The following GPC4 variants were observed in gnomAD, a reference collection of about 807,000 sequenced individuals.
The protein encoded by GPC4 is glypican-4.
Under a neutral mutation model 35.0 loss-of-function variants are expected in GPC4, and 10 were observed. The ratio of observed to expected loss-of-function variants is 0.29; its 90% CI spans 0.18 to 0.48. The LOEUF is 0.48. Ranked by LOEUF, GPC4 falls within the 20% of genes least tolerant of loss-of-function variation. GPC4 has a pLI of 0.99. For missense variants in GPC4, 322 were observed against 451.3 expected (o/e 0.71, Z 2.60); for synonymous variants, 167 against 170.2 (o/e 0.98, Z 0.15).
intron 1 of GPC4, among the ~76,000 whole-genome samples, chrX:133,372,406 T>A (rs1054606617): frequency 1.8e-5 from 2 of 109,824 alleles, no homozygotes; most frequent in Non-Finnish European, 3.8e-5. Context: ...TCATGCCAGC[T>A]CTGAAAAGAG....
chrX:133,344,191 G>GTTTTTT (rs747976050), intron 1 of GPC4, among the ~76,000 whole-genome samples: 4 of 38,885 alleles, frequency 1.0e-4, no homozygotes, highest in African/African-American at 1.5e-4. Context: ...TTTCTTTCTG[G>GTTTTTT]TTTTTTTTTT....
At position 133,368,492 on chromosome X, in the gene GPC4, C is replaced by G. The variant is rs888036005; in HGVS notation, c.161-29151G>C. Among the ~76,000 whole-genome samples, 3 of 111,273 alleles carry G rather than the reference C, an allele frequency of 2.7e-5. No homozygotes were observed. The Admixed American group carries it at 2.9e-4, about 11-fold the overall frequency. The stretch of plus-strand genomic sequence containing the variant: ...TAAAAGCACTGTTAATAAAATTTAC[C>G]ATTTTTCTATGTGTTTTGTGTTCTC... On this transcript the variant is annotated intron_variant, in intron 1 of 8. Coordinates refer to ENST00000370828, the MANE Select transcript of GPC4 (RefSeq NM_001448.3).
chrX:133,380,834 G>T (rs774887053), intron 1 of GPC4, among the ~76,000 whole-genome samples: 139 of 111,811 alleles, frequency 1.2e-3, no homozygotes, highest in Non-Finnish European at 2.4e-3. Context: ...CAATGCCAGA[G>T]ATTAGAAAGA....
intron 1 of GPC4, among the ~76,000 whole-genome samples, chrX:133,391,869 A>C (rs2068721043): frequency 9.0e-6 from 1 of 111,610 alleles, no homozygotes; most frequent in South Asian, 3.8e-4. Flanking sequence ...TGGCATAATA[A>C]AGGCCCATTA....
In GPC4 at chrX:133,311,425, T is replaced by C; in HGVS notation, c.712-2A>G. 8.3e-7 allele frequency: 1 copy of C among 1,209,584 alleles called. No individual in the cohort carries two copies. The highest frequency in any genetic ancestry group is 1.1e-6 in the Non-Finnish European group (1 of 894,026). The stretch of plus-strand genomic sequence containing the variant: ...GGTACACTGGGCTGTGGGGTTTACC[T>C]AATGTGTGAAAAGAAAAAAAGACAG... On this transcript the variant is annotated splice_acceptor_variant, in intron 3 of 8. Transcript: ENST00000370828. LOFTEE classifies it high-confidence loss of function.
intron 1 of GPC4, among the ~76,000 whole-genome samples, chrX:133,371,716 A>G (rs2068612959): frequency 8.9e-6 from 1 of 112,224 alleles, no homozygotes; most frequent in African/African-American, 3.2e-5. Flanking sequence ...TAATATAAAT[A>G]TAACAAACCT....
chrX:133,317,825 C>T (rs917174808), intron 3 of GPC4, among the ~76,000 whole-genome samples: 19 of 108,612 alleles, frequency 1.7e-4, no homozygotes, highest in African/African-American at 6.5e-4. Context: ...TGATGAGTTT[C>T]TTCAACAATT....
intron 3 of GPC4, among the ~76,000 whole-genome samples, chrX:133,312,484 C>T (rs927908977): frequency 9.1e-6 from 1 of 109,314 alleles, no homozygotes; most frequent in Non-Finnish European, 1.9e-5. Flanking sequence ...CAAAAATTAG[C>T]CGGGCATGGT....
At chrX:133,314,698 C>T in intron 3 of GPC4, among the ~76,000 whole-genome samples, 1 of 111,937 alleles carries the variant, frequency 8.9e-6, no homozygotes, top group East Asian at 2.8e-4. Context: ...CTCATAACCA[C>T]TAGTCAGACC....
intron 1 of GPC4, among the ~76,000 whole-genome samples, chrX:133,343,076 A>G (rs2068473980): frequency 1.8e-5 from 2 of 111,583 alleles, no homozygotes; most frequent in Admixed American, 9.5e-5. Context: ...TAAAGATGGG[A>G]CAGGTAGACA....
Position 133,339,286 on chromosome X carries a change from C to T in GPC4, c.216G>A (p.Glu72=), listed in dbSNP as rs1462526158. Reference sequence around the variant, plus strand: ...CTTTACTTTGCAGGCTGTACTTCTCCTCCATCTCTTGAGAGCAGCAGGTAG... The same window carrying T: ...CTTTACTTTGCAGGCTGTACTTCTCTTCCATCTCTTGAGAGCAGCAGGTAG... ...QGSTCCSQEM[E]EKYSLQSKDD... is the part of the protein sequence containing the mutation. The change falls in exon 2 of 9, where the codon GAG becomes GAA. Residue 72 remains glutamate (E), a synonymous_variant. Transcript: ENST00000370828. The T allele has an allele frequency of 8.3e-7, 1 of 1,209,239 alleles. No homozygotes were observed.
intron 3 of GPC4, 69 bp from the exon 4 acceptor site, chrX:133,311,492 C>T (rs1273427788): frequency 1.0e-6 from 1 of 989,969 alleles, no homozygotes; most frequent in Admixed American, 2.2e-5. Flanking sequence ...GCTTCTATCA[C>T]ATTGACACTG....
At chrX:133,347,248 GTTTTTTTTTTTTTTTTTTTTT>G (rs763800349) in intron 1 of GPC4, among the ~76,000 whole-genome samples, 1 of 25,415 alleles carries the variant, frequency 3.9e-5, no homozygotes, top group Non-Finnish European at 6.7e-5. Flanking sequence ...TCTATTAGAA[GTTTTTTTTTTTTTTTTTTTTT>G]TTTTTTTTTT....
chrX:133,374,732 G>T (rs2068626477), intron 1 of GPC4, among the ~76,000 whole-genome samples: 1 of 111,989 alleles, frequency 8.9e-6, no homozygotes, highest in South Asian at 3.8e-4. Flanking sequence ...CCTCATAGCA[G>T]GGCTATCATA....
chrX:133,325,780 C>T (rs1056944631), intron 2 of GPC4, among the ~76,000 whole-genome samples: 2 of 112,141 alleles, frequency 1.8e-5, no homozygotes, highest in Non-Finnish European at 3.8e-5. Context: ...ATTCTCTTCT[C>T]ACATTGGGTG....
chrX:133,357,266 T>C (rs959534778), intron 1 of GPC4, among the ~76,000 whole-genome samples: 3 of 107,805 alleles, frequency 2.8e-5, no homozygotes, highest in African/African-American at 1.0e-4. Context: ...TGCCTGTAGT[T>C]CCAGCTACTC....
chrX:133,316,190 C>T (rs2068337466), intron 3 of GPC4, among the ~76,000 whole-genome samples: 1 of 111,359 alleles, frequency 9.0e-6, no homozygotes, highest in African/African-American at 3.3e-5. Context: ...TTAGTATGTG[C>T]CAGGTTCTAT....
At chrX:133,319,921 T>C (rs1312852051) in intron 3 of GPC4, among the ~76,000 whole-genome samples, 3 of 111,932 alleles carry the variant, frequency 2.7e-5, no homozygotes, top group Non-Finnish European at 5.6e-5. Flanking sequence ...CATGCTTGTA[T>C]GCAGATGCAT....
intron 2 of GPC4, among the ~76,000 whole-genome samples, chrX:133,329,832 A>G (rs2068410953): frequency 8.9e-6 from 1 of 111,742 alleles, no homozygotes; most frequent in Non-Finnish European, 1.9e-5. Flanking sequence ...TTAACATGGG[A>G]AAAACTAGAG....
Sources: gnomAD v4.1 joint callset for allele counts (sites outside exome capture counted in the v4.1 genomes callset) on GRCh38, gnomAD v4.1.1 for gene constraint, MANE v1.5 for transcripts, NCBI Gene and HGNC (gene_info 2026-07-23, HGNC 2026-07-21) for gene names.